The following FAM110B variants were observed in gnomAD, a reference collection of about 807,000 sequenced individuals.
The protein encoded by FAM110B is family with sequence similarity 110 member B, also known as protein FAM110B.
FAM110B carries 6 observed loss-of-function variants against 20.4 expected under a neutral mutation model. That is an observed-to-expected ratio of 0.29 (90% confidence interval 0.16 to 0.58). FAM110B has a LOEUF of 0.58. Ranked by LOEUF, FAM110B falls within the 20% of genes least tolerant of loss-of-function variation. The probability of loss-of-function intolerance (pLI) is 0.90; values close to 1 mark genes in which losing one functional copy is unlikely to be tolerated. For missense variants in FAM110B, 434 were observed against 498.2 expected (o/e 0.87, Z 1.23); for synonymous variants, 226 against 214.1 (o/e 1.06, Z -0.49).
At chr8:58,088,105 G>T (rs1245423266) in intron 3 of FAM110B, among the ~76,000 whole-genome samples, 1 of 151,988 alleles carries the variant, frequency 6.6e-6, no homozygotes, top group African/African-American at 2.4e-5. Context: ...GTAATTAAAA[G>T]AAAAAAATTT....
At chr8:58,011,366 G>A (rs1350530620) in intron 1 of FAM110B, among the ~76,000 whole-genome samples, 1 of 151,938 alleles carries the variant, frequency 6.6e-6, no homozygotes, top group African/African-American at 2.4e-5. Context: ...CTGGCCTTTC[G>A]AGCATCCTTT....
chr8:58,130,808 A>T (rs976371053), intron 3 of FAM110B, among the ~76,000 whole-genome samples: 1 of 152,244 alleles, frequency 6.6e-6, no homozygotes, highest in Non-Finnish European at 1.5e-5. Flanking sequence ...CTTACAGATG[A>T]TGAAATTATC....
chr8:58,138,384 G>A (rs2150640477), intron 3 of FAM110B, among the ~76,000 whole-genome samples: 1 of 152,298 alleles, frequency 6.6e-6, no homozygotes, highest in South Asian at 2.1e-4. Flanking sequence ...CCTCATTTTT[G>A]TGCCTGTGGA....
rs1386437665 is a variant in FAM110B at position 57,994,771 on chromosome 8, G to C, written c.-547G>C. The C allele has an allele frequency of 6.6e-6, 1 of 152,252 alleles. No homozygotes were observed. The highest frequency in any genetic ancestry group is 1.5e-5 in the Non-Finnish European group (1 of 68,146). The allele number at this position is 152,252 out of a possible 1,614,324, so 9.4% of individuals were successfully genotyped here. On this transcript the variant is annotated 5_prime_UTR_variant, in exon 1 of 4. Transcript: ENST00000519262. Reference sequence around the variant, plus strand: ...TCCCCCGGAGCCTGGCTCCCGGCTCGGGCCGCACCGCCAGGGACTGGGGTG... The same window carrying C: ...TCCCCCGGAGCCTGGCTCCCGGCTCCGGCCGCACCGCCAGGGACTGGGGTG...
At chr8:58,101,543 A>G (rs548550870) in intron 3 of FAM110B, among the ~76,000 whole-genome samples, 146 of 152,194 alleles carry the variant, frequency 9.6e-4, no homozygotes, top group Non-Finnish European at 1.9e-3. Flanking sequence ...TTCCATTTTA[A>G]CCCAAAAATA....
intron 2 of FAM110B, among the ~76,000 whole-genome samples, chr8:58,052,327 C>A (rs756120815): frequency 1.3e-5 from 2 of 152,108 alleles, no homozygotes; most frequent in Non-Finnish European, 2.9e-5. Context: ...TGATGCAATG[C>A]AATGACAGTA....
At chr8:58,052,705 G>C (rs1805471444) in intron 2 of FAM110B, among the ~76,000 whole-genome samples, 1 of 150,858 alleles carries the variant, frequency 6.6e-6, no homozygotes, top group African/African-American at 2.4e-5. Context: ...GTGGTAGGCA[G>C]AGTTCTAAGA....
At chr8:58,109,760 G>A (rs751708383) in intron 3 of FAM110B, among the ~76,000 whole-genome samples, 5 of 152,208 alleles carry the variant, frequency 3.3e-5, no homozygotes, top group Admixed American at 3.3e-4. Flanking sequence ...AACACGAAAG[G>A]CTGTAGGGTG....
rs1264431491 is a variant in FAM110B, at chr8:58,130,865, T to A, written c.-324-15042T>A. ...TGCCAGATGTCTAGCAAATGGAGAG[T>A]TGCAGCAACCTGTCCCTATTAGGTT... is the stretch of plus-strand genomic sequence containing the variant. On this transcript the variant is annotated intron_variant, in intron 3 of 3. Coordinates refer to ENST00000519262, the MANE Select transcript of FAM110B (RefSeq NM_001377989.1). Among the ~76,000 whole-genome samples, 4 of 152,088 alleles carry A rather than the reference T, an allele frequency of 2.6e-5. No homozygotes were observed. In the South Asian group the frequency reaches 6.2e-4, roughly 24 times the overall value.
At chr8:58,076,792 C>G (rs1415492617) in intron 3 of FAM110B, among the ~76,000 whole-genome samples, 1 of 152,204 alleles carries the variant, frequency 6.6e-6, no homozygotes, top group Non-Finnish European at 1.5e-5. Flanking sequence ...AGCCTCAGTG[C>G]CCACATTCTG....
At chr8:58,046,487 G>T (rs1805322315) in intron 2 of FAM110B, among the ~76,000 whole-genome samples, 1 of 152,114 alleles carries the variant, frequency 6.6e-6, no homozygotes, top group African/African-American at 2.4e-5. Context: ...CAGGTATTGT[G>T]TTCTTTCTAG....
chr8:58,115,463 G>A (rs972757904), intron 3 of FAM110B, among the ~76,000 whole-genome samples: 15 of 151,788 alleles, frequency 9.9e-5, no homozygotes, highest in African/African-American at 2.9e-4. Flanking sequence ...GCACAATCTC[G>A]GCTCACTGCA....
At chr8:58,102,840 C>T (rs541819874) in intron 3 of FAM110B, among the ~76,000 whole-genome samples, 12 of 152,152 alleles carry the variant, frequency 7.9e-5, no homozygotes, top group Admixed American at 2.0e-4. Context: ...TCTCCTGGTA[C>T]AGTAGCCATG....
rs146493635 is a variant in FAM110B at position 58,026,286 on chromosome 8, C to T, written c.-511-5320C>T. Among the ~76,000 whole-genome samples, 332 of 151,988 alleles carry T rather than the reference C, an allele frequency of 2.2e-3. 2 individuals are homozygous for T. The highest frequency in any genetic ancestry group is 7.6e-3 in the African/African-American group (313 of 41,430). The stretch of plus-strand genomic sequence containing the variant: ...TAGTTTGAGCTTCTACTGTGAATTG[C>T]ATTACTTACCTTTTTTGGATGATGA... On this transcript the variant is annotated intron_variant, in intron 1 of 3. Coordinates refer to ENST00000519262, the MANE Select transcript of FAM110B (RefSeq NM_001377989.1).
intron 3 of FAM110B, among the ~76,000 whole-genome samples, chr8:58,126,970 A>C (rs1807523929): frequency 1.3e-5 from 2 of 152,204 alleles, no homozygotes; most frequent in Non-Finnish European, 2.9e-5. Context: ...AGAACCCTTC[A>C]TCAAGCCACA....
At chr8:58,073,061 C>T (rs1440470592) in intron 2 of FAM110B, among the ~76,000 whole-genome samples, 1 of 152,030 alleles carries the variant, frequency 6.6e-6, no homozygotes, top group East Asian at 1.9e-4. Flanking sequence ...TTAAAGTTGC[C>T]GGGATTGGAA....
intron 1 of FAM110B, among the ~76,000 whole-genome samples, chr8:57,998,422 T>G (rs943829846): frequency 5.9e-5 from 9 of 152,362 alleles, no homozygotes; most frequent in South Asian, 2.1e-4. Flanking sequence ...TTTATTCATT[T>G]TGATCACTTA....
chr8:58,077,136 G>A (rs887996298), intron 3 of FAM110B: 7 of 152,320 alleles, frequency 4.6e-5, no homozygotes, highest in African/African-American at 1.7e-4. Context: ...GATATAAGAA[G>A]CTCTGATACG....
At chr8:58,009,743 C>T (rs1214759069) in intron 1 of FAM110B, among the ~76,000 whole-genome samples, 1 of 152,166 alleles carries the variant, frequency 6.6e-6, no homozygotes, top group Admixed American at 6.5e-5. Flanking sequence ...ATCTCCTTGG[C>T]AGCATTCTAA....
Sources: gnomAD v4.1 joint callset for allele counts (sites outside exome capture counted in the v4.1 genomes callset) on GRCh38, gnomAD v4.1.1 for gene constraint, MANE v1.5 for transcripts, NCBI Gene and HGNC (gene_info 2026-07-23, HGNC 2026-07-21) for gene names.